The following EYA2 variants were observed in gnomAD, a reference collection of about 807,000 sequenced individuals.
EYA2 encodes the protein EYA transcriptional coactivator and phosphatase 2.
A neutral mutation model predicts 69.2 loss-of-function variants in EYA2; 31 were observed. The ratio of observed to expected loss-of-function variants is 0.45; its 90% CI spans 0.34 to 0.60. EYA2 has a LOEUF of 0.60. Ranked by LOEUF, EYA2 falls within the 20% of genes least tolerant of loss-of-function variation. The probability of loss-of-function intolerance (pLI) is 0.02; values close to 1 mark genes in which losing one functional copy is unlikely to be tolerated. For synonymous variants in EYA2, 257 were observed against 279.4 expected (o/e 0.92, Z 0.80); for missense variants, 622 against 701.2 (o/e 0.89, Z 1.28).
intron 12 of EYA2, among the ~76,000 whole-genome samples, chr20:47,176,403 C>CA (rs35371033): frequency 0.57 from 86,947 of 151,850 alleles, 26,775 homozygotes; most frequent in African/African-American, 0.82. Flanking sequence ...TCAGTCATTT[C>CA]GAGGATGATC....
At position 47,184,603 on chromosome 20, in the gene EYA2, T is replaced by A. The variant is rs547225790; in HGVS notation, c.1536+1212T>A. Among the ~76,000 whole-genome samples the A allele has an allele frequency of 2.0e-5, 3 of 150,944 alleles. No individual in the cohort carries two copies. In the East Asian group the frequency reaches 5.8e-4, roughly 29 times the overall value. ...GGTTAATTTTTTGTATTTTTTTTTT[T>A]ATAGAGATGGGGTTTTGCCATGTTG... On this transcript the variant is annotated intron_variant, in intron 15 of 15. Coordinates refer to ENST00000327619, the MANE Select transcript of EYA2 (RefSeq NM_005244.5).
chr20:47,187,485 G>C (rs2034669529), intron 15 of EYA2, among the ~76,000 whole-genome samples: 1 of 152,138 alleles, frequency 6.6e-6, no homozygotes, highest in South Asian at 2.1e-4. Context: ...GACCTGGCTA[G>C]CTACAGTGGC....
chr20:46,941,978 A>G (rs1200372380), intron 1 of EYA2, among the ~76,000 whole-genome samples: 1 of 152,002 alleles, frequency 6.6e-6, no homozygotes, highest in African/African-American at 2.4e-5. Context: ...GCTGGTCTCA[A>G]ACTCCTGGGT....
chr20:47,008,570 A>G (rs1045754398), intron 4 of EYA2, among the ~76,000 whole-genome samples: 4 of 152,254 alleles, frequency 2.6e-5, no homozygotes, highest in Admixed American at 2.0e-4. Context: ...TTTTTCACAT[A>G]AAAGAGAAAA....
chr20:47,056,364 G>GT (rs78758372), intron 5 of EYA2, among the ~76,000 whole-genome samples: 2,373 of 141,932 alleles, frequency 0.017, 22 homozygotes, highest in Middle Eastern at 0.03. Context: ...TATCCAAATT[G>GT]TTTTTTTTTT....
At chr20:47,028,596 G>A (rs1984227934) in intron 5 of EYA2, among the ~76,000 whole-genome samples, 1 of 152,232 alleles carries the variant, frequency 6.6e-6, no homozygotes, top group Non-Finnish European at 1.5e-5. Flanking sequence ...AAGCAGAGGT[G>A]AGCAAGACAA....
chr20:46,931,734 C>G (rs1985678672), intron 1 of EYA2, among the ~76,000 whole-genome samples: 2 of 152,106 alleles, frequency 1.3e-5, no homozygotes, highest in Non-Finnish European at 2.9e-5. Flanking sequence ...TGCAGTCAAG[C>G]CCAGGGGTTG....
intron 1 of EYA2, among the ~76,000 whole-genome samples, chr20:46,944,784 A>T (rs768410719): frequency 2.6e-5 from 4 of 152,028 alleles, no homozygotes; most frequent in Non-Finnish European, 4.4e-5. Flanking sequence ...TGCTACATTT[A>T]TTTTTTCCTG....
At chr20:47,138,178 A>T (rs114295805) in intron 9 of EYA2, among the ~76,000 whole-genome samples, 2,610 of 152,058 alleles carry the variant, frequency 0.017, 112 homozygotes, top group East Asian at 0.16. Flanking sequence ...AAGTGTTCTG[A>T]CCCAGGGCAA....
chr20:47,066,116 G>C (rs1280881503), intron 5 of EYA2, among the ~76,000 whole-genome samples: 2 of 152,186 alleles, frequency 1.3e-5, no homozygotes, highest in African/African-American at 4.8e-5. Context: ...AAGGTGGGCA[G>C]ATTGCTTGAG....
In EYA2 at chr20:47,078,326, C is replaced by T. The variant is rs897732120; in HGVS notation, c.661+3991C>T. Among the ~76,000 whole-genome samples, 292 of 62,294 alleles carry T rather than the reference C, an allele frequency of 4.7e-3. 1 individual carries two copies. The highest frequency in any genetic ancestry group is 0.011 in the African/African-American group (206 of 18,212). The allele number at this position is 62,294 out of a possible 152,430, so 40.9% of individuals were successfully genotyped here. ...GTGTGCACATGTGCACGTGCGCGCGCGCGCGCACACACACACACACACACA... is the reference window on the plus strand; with the variant it reads ...GTGTGCACATGTGCACGTGCGCGCGTGCGCGCACACACACACACACACACA... On this transcript the variant is annotated intron_variant, in intron 7 of 15. Transcript: ENST00000327619.
intron 5 of EYA2, among the ~76,000 whole-genome samples, chr20:47,032,441 C>A (rs1248660219): frequency 1.3e-5 from 2 of 152,166 alleles, no homozygotes. Flanking sequence ...TAGTGTGTAT[C>A]TTTCCAGAAC....
At chr20:47,016,363 A>G in intron 5 of EYA2, 66 bp downstream of exon 5, 1 of 1,197,994 alleles carries the variant, frequency 8.3e-7, no homozygotes, top group Middle Eastern at 1.9e-4. Context: ...GTGTCCATTC[A>G]TTCATTCATT....
chr20:47,168,038 CT>C (rs2034240744), intron 10 of EYA2, among the ~76,000 whole-genome samples: 1 of 152,086 alleles, frequency 6.6e-6, no homozygotes, highest in South Asian at 2.1e-4. Context: ...GAGACAGCAC[CT>C]CTTCCAAAAG....
At chr20:47,132,822 T>TC (rs2033374459) in intron 9 of EYA2, among the ~76,000 whole-genome samples, 1 of 152,284 alleles carries the variant, frequency 6.6e-6, no homozygotes, top group African/African-American at 2.4e-5. Flanking sequence ...CCCAGGCCCT[T>TC]CCATGGACTT....
At chr20:47,045,188 G>A (rs1368116347) in intron 5 of EYA2, among the ~76,000 whole-genome samples, 1 of 152,172 alleles carries the variant, frequency 6.6e-6, no homozygotes, top group African/African-American at 2.4e-5. Flanking sequence ...ACACATAACA[G>A]CTGCATTCAG....
chr20:47,093,801 T>C (rs973965236), intron 8 of EYA2, among the ~76,000 whole-genome samples: 1 of 152,168 alleles, frequency 6.6e-6, no homozygotes, highest in Non-Finnish European at 1.5e-5. Context: ...ACAAACAGGT[T>C]ATATAACAAG....
At chr20:47,119,284 T>C (rs534312841) in intron 9 of EYA2, among the ~76,000 whole-genome samples, 1 of 152,236 alleles carries the variant, frequency 6.6e-6, no homozygotes, top group South Asian at 2.1e-4. Context: ...AAATAGGAGG[T>C]GTCCCCTCAC....
intron 1 of EYA2, among the ~76,000 whole-genome samples, chr20:46,988,991 CCA>C (rs1426494747): frequency 6.6e-6 from 1 of 152,090 alleles, no homozygotes; most frequent in Non-Finnish European, 1.5e-5. Context: ...AAGGTGTGAG[CCA>C]CCATGCCTGG....
Sources: allele counts gnomAD v4.1 joint callset (sites outside exome capture counted in the v4.1 genomes callset), GRCh38; gene constraint gnomAD v4.1.1; transcripts MANE v1.5; gene names NCBI Gene and HGNC (gene_info 2026-07-23, HGNC 2026-07-21).